LANCL1: variants seen among roughly 807,000 people sequenced by gnomAD.
The protein encoded by LANCL1 is LanC like glutathione S-transferase 1.
LANCL1 carries 50 observed loss-of-function variants against 50.6 expected under a neutral mutation model. The ratio of observed to expected loss-of-function variants is 0.99; its 90% confidence interval spans 0.79 to 1.25. LANCL1 has a LOEUF of 1.25. Among genes scored for constraint, LANCL1 ranks in the 50% most tolerant of loss-of-function variants. The pLI is 0.00. For synonymous variants in LANCL1, 188 were observed against 178.6 expected, an observed-to-expected ratio of 1.05 and a Z score of -0.42; for missense variants, 532 against 480.7, an observed-to-expected ratio of 1.11 and a Z score of -1.00.
rs1010738581 is a variant in LANCL1 at position 210,476,729 on chromosome 2, C to T, written c.-126G>A. The T allele has an allele frequency of 3.6e-6, 4 of 1,101,596 alleles. No homozygotes were observed. The highest frequency in any genetic ancestry group is 1.6e-5 in the African/African-American group (1 of 61,274). 68.2% of individuals were successfully genotyped at this position (1,101,596 alleles called of 1,614,324 possible). On this transcript the variant is annotated 5_prime_UTR_variant, in exon 1 of 10. Transcript: ENST00000450366. Reference sequence around the variant, plus strand: ...TCGGCCCTGGCCTCTCACCCCGCAGCCCCGGACAGTAACAGAAGGGCTATT... The same window carrying T: ...TCGGCCCTGGCCTCTCACCCCGCAGTCCCGGACAGTAACAGAAGGGCTATT...
At position 210,472,088 on chromosome 2, in the gene LANCL1, A is replaced by G. The variant is rs755674327; in HGVS notation, c.82-12T>C. 55 of 1,570,560 alleles carry G rather than the reference A, an allele frequency of 3.5e-5. No individual in the cohort carries two copies. The Middle Eastern group carries it at 6.7e-4, about 19-fold the overall frequency. On this transcript the variant is annotated splice_polypyrimidine_tract_variant and intron_variant, in intron 2 of 9. Coordinates refer to ENST00000450366, the MANE Select transcript of LANCL1 (RefSeq NM_006055.3). ...AACTCAGGAGTCAGCTAGATATTAA[A>G]GGAAAACAAGTATCAAAATAATGTG...
chr2:210,434,639 T>C, intron 9 of LANCL1, 76 bp from the exon 10 acceptor site: 2 of 1,196,034 alleles, frequency 1.7e-6, no homozygotes, highest in South Asian at 1.3e-5. Context: ...TTCCCCCATA[T>C]CTTTATTGAC....
intron 3 of LANCL1, among the ~76,000 whole-genome samples, chr2:210,467,434 A>C (rs1694100880): frequency 6.6e-6 from 1 of 152,148 alleles, no homozygotes; most frequent in African/African-American, 2.4e-5. Context: ...AGCCTACTTA[A>C]TGTGAAAACG....
At chr2:210,475,383 T>C (rs1241551695) in intron 2 of LANCL1, among the ~76,000 whole-genome samples, 1 of 152,168 alleles carries the variant, frequency 6.6e-6, no homozygotes, top group African/African-American at 2.4e-5. Context: ...CAGGCTAGAG[T>C]GCAGTGGTGC....
chr2:210,434,408 A>C lies in LANCL1; in HGVS notation c.*79T>G, dbSNP rs1362057253. The C allele has an allele frequency of 1.9e-6, 2 of 1,055,668 alleles. No individual in the cohort carries two copies. Among genetic ancestry groups the C allele is most frequent in the African/African-American group, 3.2e-5 (2 of 62,256 alleles). The allele number at this position is 1,055,668 out of a possible 1,614,324, so 65.4% of individuals were successfully genotyped here. A position where few individuals can be genotyped will look rare whatever the true frequency, so the allele number is the denominator to read the frequency against. On this transcript the variant is annotated 3_prime_UTR_variant, in exon 10 of 10. Transcript: ENST00000450366. ...ACAGTTTGACTCTTTGTTTCCTTGG[A>C]AAGCAACGGAAGCACTTAGCTTGGG...
Position 210,435,376 on chromosome 2 carries a change from G to C in LANCL1, c.1123+11C>G, listed in dbSNP as rs754906742. 6.3e-7 allele frequency: 1 copy of C among 1,598,764 alleles called. No homozygotes were observed. The highest frequency in any genetic ancestry group is 1.1e-5 in the South Asian group (1 of 90,774). Reference sequence around the variant, plus strand: ...ATATTATAGGGCAAATAAATAAAGTGTACAAAATACCTTCAAAGAGAGAGA... The same window carrying C: ...ATATTATAGGGCAAATAAATAAAGTCTACAAAATACCTTCAAAGAGAGAGA... On this transcript the variant is annotated intron_variant, in intron 9 of 9. Coordinates refer to ENST00000450366, the MANE Select transcript of LANCL1 (RefSeq NM_006055.3).
In LANCL1 at chr2:210,434,490, G is replaced by A. The variant is rs377738349; in HGVS notation, c.1197C>T (p.Leu399=). The part of the protein sequence containing the change: ...PTKARFPAFE[L] The stretch of plus-strand genomic sequence containing the variant: ...TTGCAGGTGGCATGCTATCCTTTCA[G>A]AGTTCAAATGCAGGGAACCTGGCTT... Residue 399 remains leucine (L), a synonymous_variant, in exon 10 of 10, where the codon CTC becomes CTT. Coordinates refer to ENST00000450366, the MANE Select transcript of LANCL1 (RefSeq NM_006055.3). 28 of 1,612,364 alleles carry A rather than the reference G, an allele frequency of 1.7e-5. No individual in the cohort carries two copies. In the African/African-American group the frequency reaches 3.7e-4, roughly 21 times the overall value.
At chr2:210,465,810 C>G (rs1238586397) in intron 3 of LANCL1, among the ~76,000 whole-genome samples, 1 of 152,094 alleles carries the variant, frequency 6.6e-6, no homozygotes, top group African/African-American at 2.4e-5. Context: ...GAAGAAAAAT[C>G]GAGGAGAAAG....
chr2:210,472,036 C>T lies in LANCL1; in HGVS notation c.122G>A (p.Arg41Gln), dbSNP rs755723603. The change falls in exon 3 of 10, where the codon CGG becomes CAG. Residue 41 changes from arginine to glutamine, a missense_variant. Transcript: ENST00000450366. ...TCTCTCCATTTGCTGAAGAAGCTCCCGAATCTTATTGGTCAAGCGTTGTGA... is the reference window on the plus strand; with the variant it reads ...TCTCTCCATTTGCTGAAGAAGCTCCTGAATCTTATTGGTCAAGCGTTGTGA... ...EFSQRLTNKI[R>Q]ELLQQMERGL... 15 of 1,613,968 alleles carry T rather than the reference C, an allele frequency of 9.3e-6. No homozygotes were observed. Among genetic ancestry groups the T allele is most frequent in the Middle Eastern group, 1.6e-4 (1 of 6,084 alleles).
chr2:210,454,503 G>A (rs890773760), intron 4 of LANCL1, among the ~76,000 whole-genome samples: 2 of 152,204 alleles, frequency 1.3e-5, no homozygotes, highest in African/African-American at 2.4e-5. Context: ...CGTTGCTGGA[G>A]TGTTAGCACG....
intron 4 of LANCL1, among the ~76,000 whole-genome samples, chr2:210,448,638 T>G (rs893052540): frequency 6.6e-6 from 1 of 151,470 alleles, no homozygotes; most frequent in African/African-American, 2.4e-5. Context: ...GAGAGAAGAA[T>G]CAAATAGGCA....
rs181627153 is a variant in LANCL1 at position 210,448,921 on chromosome 2, G to C, written c.407+6186C>G. Among the ~76,000 whole-genome samples the C allele has an allele frequency of 4.6e-5, 7 of 152,244 alleles. No individual in the cohort carries two copies. In the East Asian group the frequency reaches 1.4e-3, roughly 29 times the overall value. ...ACAGATTCACAGCCGAATTCTACCA[G>C]AGGTACAAGGAGGAGCTGGTACCAT... On this transcript the variant is annotated intron_variant, in intron 4 of 9. Transcript: ENST00000450366.
chr2:210,467,993 G>T lies in LANCL1; in HGVS notation c.199+3966C>A, dbSNP rs187988814. Among the ~76,000 whole-genome samples the T allele has an allele frequency of 3.9e-5, 6 of 152,162 alleles. No homozygotes were observed. The East Asian group carries it at 1.2e-3, about 29-fold the overall frequency. ...TGCAATAGAAAATAAGGGTTTGGGA[G>T]AAAGCAGAAAAGAATGGCAAGTAAC... On this transcript the variant is annotated intron_variant, in intron 3 of 9. Coordinates refer to ENST00000450366, the MANE Select transcript of LANCL1 (RefSeq NM_006055.3).
At chr2:210,476,500 T>C in intron 1 of LANCL1, 88 bp from the exon 2 acceptor site, 3 of 1,457,208 alleles carry the variant, frequency 2.1e-6, no homozygotes, top group Non-Finnish European at 2.7e-6. Context: ...GGTATCCCCC[T>C]TCCTCCAGCT....
chr2:210,465,694 T>C (rs1339660150), intron 3 of LANCL1, among the ~76,000 whole-genome samples: 4 of 150,730 alleles, frequency 2.7e-5, no homozygotes, highest in African/African-American at 9.8e-5. Flanking sequence ...CCAGCAAGGG[T>C]TGGTTTGATA....
intron 3 of LANCL1, among the ~76,000 whole-genome samples, chr2:210,463,253 C>T (rs1401081350): frequency 6.6e-6 from 1 of 151,792 alleles, no homozygotes; most frequent in Non-Finnish European, 1.5e-5. Context: ...CTTTGTTGCT[C>T]AGGCTGGAGT....
intron 3 of LANCL1, chr2:210,468,075 C>G (rs372971836): frequency 6.6e-6 from 1 of 151,938 alleles, no homozygotes; most frequent in Non-Finnish European, 1.5e-5. Context: ...TAGAATCAAT[C>G]GCTAGTCCCT....
rs1288296990 is a variant in LANCL1, at chr2:210,433,841, CTG to C, written c.*644_*645del. On this transcript the variant is annotated 3_prime_UTR_variant, in exon 10 of 10. Transcript: ENST00000450366. ...AGTTTTTGATTAAAAATGTTGGCTT[CTG>C]AAGGCTGTATGCCTTACCGACAAAA... 3.9e-5 allele frequency: 6 copies of C among 152,172 alleles called. No homozygotes were observed. Among genetic ancestry groups the C allele is most frequent in the Non-Finnish European group, 2.9e-5 (2 of 68,024 alleles). 9.4% of individuals were successfully genotyped at this position (152,172 alleles called of 1,614,324 possible). A position where few individuals can be genotyped will look rare whatever the true frequency, so the allele number is the denominator to read the frequency against.
chr2:210,440,570 T>G, intron 6 of LANCL1, 28 bp downstream of exon 6: 1 of 1,593,904 alleles, frequency 6.3e-7, no homozygotes, highest in Non-Finnish European at 8.5e-7. Flanking sequence ...GAAGGACATT[T>G]TAAAATTTCA....
Sources: allele counts gnomAD v4.1 joint callset (sites outside exome capture counted in the v4.1 genomes callset), GRCh38; gene constraint gnomAD v4.1.1; transcripts MANE v1.5; gene names NCBI Gene and HGNC (gene_info 2026-07-23, HGNC 2026-07-21).